The following NLRP11 variants were observed in gnomAD, a reference collection of about 807,000 sequenced individuals.
NLRP11 encodes NLR family pyrin domain containing 11.
A neutral mutation model predicts 79.3 loss-of-function variants in NLRP11; 53 were observed. That is an observed-to-expected ratio of 0.67 (90% CI 0.54 to 0.84). The LOEUF (loss-of-function observed/expected upper bound fraction) is 0.84, where lower values mean the gene tolerates loss of function less well. Ranked by LOEUF, NLRP11 falls within the 40% of genes least tolerant of loss-of-function variation. The pLI, the probability that NLRP11 is intolerant of heterozygous loss-of-function variation, is 0.00. For missense variants in NLRP11, 1,264 were observed against 1,255.0 expected (o/e 1.01, Z -0.11); for synonymous variants, 518 against 462.6 (o/e 1.12, Z -1.54).
intron 4 of NLRP11, among the ~76,000 whole-genome samples, chr19:55,804,431 AAG>A (rs1979784350): frequency 6.6e-6 from 1 of 150,954 alleles, no homozygotes; most frequent in Admixed American, 6.7e-5. Context: ...AGCCATAAAA[AAG>A]AGAGCATTTT....
intron 2 of NLRP11, among the ~76,000 whole-genome samples, chr19:55,814,301 G>C (rs551932276): frequency 6.6e-6 from 1 of 152,212 alleles, no homozygotes; most frequent in East Asian, 1.9e-4. Flanking sequence ...GGCTCCCAGT[G>C]ATTCTACATC....
chr19:55,809,833 C>T lies in NLRP11; in HGVS notation c.777G>A (p.Leu259=). 6.2e-7 allele frequency: 1 copy of T among 1,614,150 alleles called. No individual in the cohort carries two copies. Among genetic ancestry groups the T allele is most frequent in the Non-Finnish European group, 8.5e-7 (1 of 1,180,026 alleles). ...CCATTTTTCTCTTCAGCAAACTGAC[C>T]AGGAGAACTGGAATGGGAACTTTCT... Residue 259 remains leucine (L), a synonymous_variant, in exon 3 of 10, where the codon CTG becomes CTA. Transcript: ENST00000589093. The surrounding 1 kb of genome is among the most constrained non-coding windows in gnomAD (Gnocchi z 4.5).
intron 4 of NLRP11, among the ~76,000 whole-genome samples, chr19:55,803,305 C>T (rs143270461): frequency 0.016 from 2,383 of 152,084 alleles, 62 homozygotes; most frequent in African/African-American, 0.054. Context: ...CGAGATCATG[C>T]CACTGTACTG....
At chr19:55,797,551 A>G (rs1979046262) in intron 5 of NLRP11, among the ~76,000 whole-genome samples, 2 of 152,238 alleles carry the variant, frequency 1.3e-5, no homozygotes, top group Admixed American at 6.5e-5. Flanking sequence ...TGAATGTATC[A>G]TGTGCCTAGT....
At chr19:55,817,837 A>AT in intron 2 of NLRP11, 67 bp downstream of exon 2, 3 of 1,214,220 alleles carry the variant, frequency 2.5e-6, no homozygotes, top group Non-Finnish European at 3.4e-6. Context: ...AAAAAAAAAA[A>AT]GGCCCAACAC....
At chr19:55,798,334 G>A (rs1979142892) in intron 5 of NLRP11, 2 of 985,064 alleles carry the variant, frequency 2.0e-6, no homozygotes, top group Non-Finnish European at 2.4e-6. Context: ...AAGCCGTTGA[G>A]GGCCTGAAGA....
intron 1 of NLRP11, among the ~76,000 whole-genome samples, chr19:55,822,971 A>G (rs4548988): frequency 0.28 from 41,320 of 150,094 alleles, 6,100 homozygotes; most frequent in African/African-American, 0.42. Flanking sequence ...GGCACAGACA[A>G]ACAAAAAGAC....
At chr19:55,831,335 G>A (rs982615998) in intron 1 of NLRP11, among the ~76,000 whole-genome samples, 2 of 151,650 alleles carry the variant, frequency 1.3e-5, no homozygotes, top group African/African-American at 4.8e-5. Context: ...GTCAAGGTGG[G>A]CACATTACTT....
Position 55,807,850 on chromosome 19 carries a change from T to C in NLRP11, c.2003+3A>G. On this transcript the variant is annotated splice_donor_region_variant and intron_variant, in intron 4 of 9. Coordinates refer to ENST00000589093, the Ensembl canonical transcript of NLRP11. ...CTAAGGCAGAGGTTGATATAGTACT[T>C]ACTTGAGTGTGCGAAGTTTACAGCT... The C allele has an allele frequency of 6.2e-7, 1 of 1,603,746 alleles. No homozygotes were observed. The highest frequency in any genetic ancestry group is 8.5e-7 in the Non-Finnish European group (1 of 1,172,400).
At chr19:55,808,632 C>T (rs1156245129) in intron 3 of NLRP11, 137 bp downstream of exon 3, 1 of 771,876 alleles carries the variant, frequency 1.3e-6, no homozygotes, top group Non-Finnish European at 2.1e-6. Flanking sequence ...AGATTTAAGT[C>T]ACTGGTCTAA....
intron 1 of NLRP11, among the ~76,000 whole-genome samples, chr19:55,829,244 A>G (rs1037719926): frequency 1.3e-5 from 2 of 151,808 alleles, no homozygotes; most frequent in Non-Finnish European, 2.9e-5. Context: ...GTCACTAGGC[A>G]TAAAGCTTAT....
In NLRP11 at chr19:55,787,584, G is replaced by A. The variant is rs142323434; in HGVS notation, c.2855+1223C>T. 3.9e-3 allele frequency among the ~76,000 whole-genome samples: 597 copies of A among 152,220 alleles called. 1 individual carries two copies. Among genetic ancestry groups the A allele is most frequent in the African/African-American group, 0.013 (544 of 41,524 alleles). On this transcript the variant is annotated intron_variant, in intron 9 of 9. Transcript: ENST00000589093. ...ACTTCCGACCTCAAGTGATCCACCC[G>A]CCTTAGCCTTCCAAAGTGCTGGAAT...
In NLRP11 at chr19:55,807,903, C is replaced by A. The variant is rs751891218; in HGVS notation, c.1953G>T (p.Arg651Ser). The A allele has an allele frequency of 4.9e-5, 79 of 1,612,862 alleles. No homozygotes were observed. Among genetic ancestry groups the A allele is most frequent in the Non-Finnish European group, 6.6e-5 (78 of 1,179,180 alleles). The change falls in exon 4 of 10, where the codon AGG becomes AGT. Residue 651 changes from arginine to serine, a missense_variant. Transcript: ENST00000589093. Reference sequence around the variant, plus strand: ...AATGCTCCAGGGCTTTAGACAGAATCCTTTCTGAAATACCATTAAGGTCAT... The same window carrying A: ...AATGCTCCAGGGCTTTAGACAGAATACTTTCTGAAATACCATTAAGGTCAT...
At chr19:55,785,932 A>G (rs926192376) in intron 9 of NLRP11, 61 bp from the exon 10 acceptor site, 18 of 1,529,854 alleles carry the variant, frequency 1.2e-5, no homozygotes, top group Middle Eastern at 1.8e-4. Context: ...GCTTTGTTGC[A>G]TCAATGACTA....
At chr19:55,806,083 C>G (rs1979960452) in intron 4 of NLRP11, among the ~76,000 whole-genome samples, 1 of 152,106 alleles carries the variant, frequency 6.6e-6, no homozygotes, top group Non-Finnish European at 1.5e-5. Context: ...GCCTAATGAC[C>G]ACTCCCTCAA....
intron 1 of NLRP11, among the ~76,000 whole-genome samples, chr19:55,830,615 AT>A (rs869046633): frequency 1.3e-4 from 20 of 151,262 alleles, no homozygotes; most frequent in South Asian, 4.2e-4. Context: ...AAAAAAAAAA[AT>A]GCAACGTTGA....
chr19:55,813,538 A>T (rs989704088), intron 2 of NLRP11, among the ~76,000 whole-genome samples: 6 of 152,216 alleles, frequency 3.9e-5, no homozygotes, highest in African/African-American at 1.4e-4. Context: ...CTACTGCGAT[A>T]TGTCGAGCCA....
At chr19:55,790,881 C>T (rs1990196516) in intron 7 of NLRP11, among the ~76,000 whole-genome samples, 1 of 152,296 alleles carries the variant, frequency 6.6e-6, no homozygotes, top group South Asian at 2.1e-4. Context: ...ATAATGTGGG[C>T]TTCCATGTGC....
At chr19:55,812,515 T>C (rs759969190) in intron 2 of NLRP11, among the ~76,000 whole-genome samples, 33 of 152,082 alleles carry the variant, frequency 2.2e-4, no homozygotes, top group Non-Finnish European at 3.8e-4. Context: ...ACATCACGAA[T>C]CAGAAATGCA....
Sources: allele counts gnomAD v4.1 joint callset (sites outside exome capture counted in the v4.1 genomes callset), GRCh38; gene constraint gnomAD v4.1.1; non-coding constraint Gnocchi (gnomAD v3.1); transcripts MANE v1.5; gene names NCBI Gene and HGNC (gene_info 2026-07-23, HGNC 2026-07-21).